Variants in MUSK observed in about 807,000 individuals in gnomAD.
The protein encoded by MUSK is muscle, skeletal receptor tyrosine-protein kinase.
MUSK carries 55 observed loss-of-function variants against 88.7 expected under a neutral mutation model. The ratio of observed to expected loss-of-function variants is 0.62; its 90% confidence interval spans 0.50 to 0.78. The LOEUF is 0.78. Among genes scored for constraint, MUSK ranks in the 30% least tolerant of loss-of-function variants. MUSK has a pLI of 0.00. For synonymous variants in MUSK, 387 were observed against 391.9 expected (o/e 0.99, Z 0.15); for missense variants, 1,015 against 1,074.3 (o/e 0.94, Z 0.77).
Position 110,695,490 on chromosome 9 carries a change from A to G in MUSK, c.446A>G (p.Lys149Arg). ...VLPCTTMGNPKPSVSWIKGDS... is the reference protein window; with the variant it reads ...VLPCTTMGNPRPSVSWIKGDS... ...CCATGTACTACAATGGGTAATCCCA[A>G]ACCATCAGTGTCTTGGATAAAGGGA... Residue 149 changes from lysine to arginine, a missense_variant, in exon 4 of 15, where the codon AAA becomes AGA. Transcript: ENST00000374448. The G allele has an allele frequency of 6.4e-7, 1 of 1,567,534 alleles. No individual in the cohort carries two copies. Among genetic ancestry groups the G allele is most frequent in the African/African-American group, 1.4e-5 (1 of 74,040 alleles).
rs1273215689 is a variant in MUSK, at chr9:110,697,461, T to C, written c.623T>C (p.Val208Ala). Residue 208 changes from valine (V) to alanine (A), a missense_variant, in exon 5 of 15, where the codon GTT becomes GCT. Physicochemically the swap from Val to Ala is moderately conservative, Grantham distance 64 (BLOSUM62 0). Transcript: ENST00000374448. ...TAYSKVVKLEVEVFARILRAP... is the reference protein window; with the variant it reads ...TAYSKVVKLEAEVFARILRAP... ...TATTCCAAAGTGGTGAAGCTGGAAGTTGAGGGTAAGGAGCTGCATTTCTTC... is the reference window on the plus strand; with the variant it reads ...TATTCCAAAGTGGTGAAGCTGGAAGCTGAGGGTAAGGAGCTGCATTTCTTC... 6.2e-7 allele frequency: 1 copy of C among 1,608,920 alleles called. No individual in the cohort carries two copies. Among genetic ancestry groups the C allele is most frequent in the Non-Finnish European group, 8.5e-7 (1 of 1,177,194 alleles).
chr9:110,692,530 A>AT (rs965063614), intron 3 of MUSK, among the ~76,000 whole-genome samples: 2 of 150,846 alleles, frequency 1.3e-5, no homozygotes, highest in South Asian at 2.1e-4. Context: ...CATTTTCTCT[A>AT]TTTTTTTTCT....
intron 1 of MUSK, among the ~76,000 whole-genome samples, chr9:110,680,437 G>A (rs372310811): frequency 3.4e-5 from 5 of 146,650 alleles, no homozygotes; most frequent in South Asian, 4.2e-4. Flanking sequence ...AGGCTGGAGT[G>A]CAGTGGTGCG....
intron 8 of MUSK, among the ~76,000 whole-genome samples, chr9:110,766,021 G>A (rs745719145): frequency 3.3e-5 from 5 of 152,222 alleles, no homozygotes; most frequent in Non-Finnish European, 7.3e-5. Flanking sequence ...CAGCCCCTCT[G>A]TGCAGCACTC....
At chr9:110,787,935 C>A in intron 14 of MUSK, 97 bp downstream of exon 14, 1 of 1,356,482 alleles carries the variant, frequency 7.4e-7, no homozygotes, top group Non-Finnish European at 1.0e-6. Context: ...TCTCCTTGAT[C>A]AGTGAGACGT....
At chr9:110,698,168 G>A (rs966031262) in intron 5 of MUSK, among the ~76,000 whole-genome samples, 4 of 152,106 alleles carry the variant, frequency 2.6e-5, no homozygotes, top group Admixed American at 1.3e-4. Flanking sequence ...TCTATTAGGC[G>A]AATAAACTGA....
At chr9:110,691,561 G>A (rs1274497602) in intron 3 of MUSK, among the ~76,000 whole-genome samples, 1 of 151,942 alleles carries the variant, frequency 6.6e-6, no homozygotes, top group East Asian at 1.9e-4. Context: ...ATCAAACACT[G>A]CCTTACCAGC....
At chr9:110,697,840 C>G (rs1328868801) in intron 5 of MUSK, among the ~76,000 whole-genome samples, 1 of 150,542 alleles carries the variant, frequency 6.6e-6, no homozygotes, top group African/African-American at 2.4e-5. Context: ...TCATACAGAA[C>G]AACTTTAAAA....
chr9:110,691,587 G>A (rs1334175764), intron 3 of MUSK, among the ~76,000 whole-genome samples: 7 of 152,100 alleles, frequency 4.6e-5, no homozygotes, highest in African/African-American at 1.4e-4. Context: ...TAAATCTCAT[G>A]GCCTCCTGTC....
At chr9:110,677,716 G>GT (rs370064176) in intron 1 of MUSK, among the ~76,000 whole-genome samples, 9 of 151,586 alleles carry the variant, frequency 5.9e-5, no homozygotes, top group South Asian at 2.1e-4. Flanking sequence ...GTATTGTGTA[G>GT]TTTTTTTTTA....
intron 6 of MUSK, among the ~76,000 whole-genome samples, chr9:110,736,316 G>A (rs1225595449): frequency 1.3e-5 from 2 of 152,052 alleles, no homozygotes; most frequent in Non-Finnish European, 2.9e-5. Context: ...TAAACAGAAA[G>A]TTAGACCTCA....
chr9:110,718,712 C>T (rs147133216), intron 5 of MUSK, among the ~76,000 whole-genome samples: 229 of 151,936 alleles, frequency 1.5e-3, no homozygotes, highest in African/African-American at 4.9e-3. Context: ...TCTAGACATC[C>T]GAATACAAGA....
In MUSK at chr9:110,787,628, G is replaced by C. The variant is rs1158344844; in HGVS notation, c.1779-62G>C. 1.1e-5 allele frequency: 17 copies of C among 1,533,272 alleles called. No homozygotes were observed. The East Asian group carries it at 2.9e-4, about 26-fold the overall frequency. The allele number at this position is 1,533,272 out of a possible 1,614,324, so 95.0% of individuals were successfully genotyped here. A position where few individuals can be genotyped will look rare whatever the true frequency, so the allele number is the denominator to read the frequency against. ...GGTGGGAGGATATGTATAAATGTGG[G>C]TAGGTATAAAGATATGATGTCCATG... On this transcript the variant is annotated intron_variant, in intron 13 of 14. Coordinates refer to ENST00000374448, the MANE Select transcript of MUSK (RefSeq NM_005592.4).
chr9:110,675,021 G>T (rs944450833), intron 1 of MUSK, among the ~76,000 whole-genome samples: 1 of 152,056 alleles, frequency 6.6e-6, no homozygotes, highest in African/African-American at 2.4e-5. Flanking sequence ...AGTAACATTT[G>T]CACAGTGCTC....
chr9:110,749,185 T>C (rs1179273936), intron 7 of MUSK, among the ~76,000 whole-genome samples: 1 of 152,162 alleles, frequency 6.6e-6, no homozygotes, highest in Non-Finnish European at 1.5e-5. Context: ...GAGTAAGAGA[T>C]GAAAAGTTAA....
At chr9:110,710,338 A>G (rs1391137055) in intron 5 of MUSK, among the ~76,000 whole-genome samples, 6 of 152,206 alleles carry the variant, frequency 3.9e-5, no homozygotes, top group Admixed American at 1.3e-4. Flanking sequence ...AATATTATCT[A>G]GAACACAGAG....
intron 2 of MUSK, 52 bp downstream of exon 2, chr9:110,682,852 T>C: frequency 1.7e-6 from 2 of 1,181,062 alleles, no homozygotes; most frequent in Non-Finnish European, 2.4e-6. Context: ...ATATAGTAGG[T>C]GTATATATAT....
intron 5 of MUSK, among the ~76,000 whole-genome samples, chr9:110,731,006 G>A (rs1382989960): frequency 6.6e-6 from 1 of 151,978 alleles, no homozygotes; most frequent in African/African-American, 2.4e-5. Context: ...AGAGCTGGGA[G>A]ACTGATAGCT....
At chr9:110,670,690 A>C (rs1272784205) in intron 1 of MUSK, among the ~76,000 whole-genome samples, 2 of 152,152 alleles carry the variant, frequency 1.3e-5, no homozygotes, top group Admixed American at 6.5e-5. Context: ...TCATTCACCC[A>C]ATTTCATTTC....
Sources: gnomAD v4.1 joint callset for allele counts (sites outside exome capture counted in the v4.1 genomes callset) on GRCh38, gnomAD v4.1.1 for gene constraint, MANE v1.5 for transcripts, NCBI Gene and HGNC (gene_info 2026-07-23, HGNC 2026-07-21) for gene names.